KCNMA1: variants seen among roughly 807,000 people sequenced by gnomAD.
KCNMA1 encodes the protein potassium calcium-activated channel subfamily M alpha 1.
KCNMA1 carries 29 observed loss-of-function variants against 140.0 expected under a neutral mutation model. The ratio of observed to expected loss-of-function variants is 0.21; its 90% CI spans 0.15 to 0.28. The LOEUF (loss-of-function observed/expected upper bound fraction) is 0.28. Ranked by LOEUF, KCNMA1 falls within the 10% of genes least tolerant of loss-of-function variation. The pLI, the probability that KCNMA1 is intolerant of heterozygous loss-of-function variation, is 1.00. For synonymous variants in KCNMA1, 612 were observed against 611.9 expected (o/e 1.00, Z 0.00); for missense variants, 880 against 1,602.2 (o/e 0.55, Z 7.70).
chr10:77,413,675 C>T (rs1012758208), intron 1 of KCNMA1, among the ~76,000 whole-genome samples: 1 of 152,044 alleles, frequency 6.6e-6, no homozygotes, highest in Non-Finnish European at 1.5e-5. Flanking sequence ...TCACTTCTGC[C>T]CCTGGGAAGT....
At chr10:77,182,709 A>G (rs2098812869) in intron 5 of KCNMA1, among the ~76,000 whole-genome samples, 1 of 152,224 alleles carries the variant, frequency 6.6e-6, no homozygotes, top group Non-Finnish European at 1.5e-5. Context: ...AGACCCCATG[A>G]CAGCAGGAAT....
chr10:76,995,457 T>G (rs1445018519), intron 19 of KCNMA1: 1 of 422,750 alleles, frequency 2.4e-6, no homozygotes, highest in Non-Finnish European at 5.0e-6. Context: ...CCTGCTCTAA[T>G]TCAAACCTCT....
intron 19 of KCNMA1, among the ~76,000 whole-genome samples, chr10:76,979,288 A>G (rs893086126): frequency 6.6e-6 from 1 of 152,222 alleles, no homozygotes; most frequent in African/African-American, 2.4e-5. Flanking sequence ...TGCCTCAGGA[A>G]TCTGAGATTT....
chr10:77,181,857 A>G (rs1008295861), intron 5 of KCNMA1, among the ~76,000 whole-genome samples: 1 of 152,226 alleles, frequency 6.6e-6, no homozygotes, highest in Non-Finnish European at 1.5e-5. Flanking sequence ...GAGCAAGAGA[A>G]TATAATTCTA....
chr10:77,073,676 T>C (rs1595357541), intron 13 of KCNMA1, among the ~76,000 whole-genome samples: 1 of 152,278 alleles, frequency 6.6e-6, no homozygotes, highest in East Asian at 1.9e-4. Context: ...CTCCCAGGCA[T>C]CAGGAGCGGG....
intron 1 of KCNMA1, among the ~76,000 whole-genome samples, chr10:77,421,417 C>T (rs2096864416): frequency 6.6e-6 from 1 of 152,218 alleles, no homozygotes; most frequent in African/African-American, 2.4e-5. Context: ...TGTTCAGGGC[C>T]TCTTTGCTTC....
At chr10:76,877,677 A>G, downstream of KCNMA1, 1 of 1,487,724 alleles carries the variant, frequency 6.7e-7, no homozygotes, top group Non-Finnish European at 9.1e-7. Flanking sequence ...TAAGAAGAAA[A>G]GTCACATCAC....
At chr10:77,174,383 A>C (rs1411779202) in intron 5 of KCNMA1, among the ~76,000 whole-genome samples, 1 of 152,214 alleles carries the variant, frequency 6.6e-6, no homozygotes, top group Non-Finnish European at 1.5e-5. Context: ...CTGGGCATAC[A>C]AAAAGTAAAA....
At chr10:77,330,191 G>T (rs1421417752) in intron 2 of KCNMA1, among the ~76,000 whole-genome samples, 1 of 152,002 alleles carries the variant, frequency 6.6e-6, no homozygotes, top group Non-Finnish European at 1.5e-5. Context: ...ACCATAAAAA[G>T]AATTCAGAAA....
intron 1 of KCNMA1, among the ~76,000 whole-genome samples, chr10:77,597,707 C>T (rs922557094): frequency 2.6e-5 from 4 of 152,166 alleles, no homozygotes; most frequent in African/African-American, 9.7e-5. Flanking sequence ...TCTGCTCTGT[C>T]CCATTGACAG....
intron 3 of KCNMA1, among the ~76,000 whole-genome samples, chr10:77,198,005 A>G (rs549420870): frequency 6.6e-6 from 1 of 152,198 alleles, no homozygotes; most frequent in Non-Finnish European, 1.5e-5. Context: ...ACTGGCCGTT[A>G]CTCAATGAAA....
intron 3 of KCNMA1, among the ~76,000 whole-genome samples, chr10:77,247,814 A>G (rs919550259): frequency 6.6e-6 from 1 of 152,048 alleles, no homozygotes. Context: ...GGGTGTTTCT[A>G]GAGAGTCTAC....
At chr10:76,925,235 T>C (rs147852694) in intron 23 of KCNMA1, among the ~76,000 whole-genome samples, 2,748 of 152,346 alleles carry the variant, frequency 0.018, 84 homozygotes, top group African/African-American at 0.063. Flanking sequence ...CCACTGGACT[T>C]CCCAATTTCA....
intron 12 of KCNMA1, among the ~76,000 whole-genome samples, chr10:77,083,966 T>G (rs1317281626): frequency 6.6e-6 from 1 of 152,174 alleles, no homozygotes; most frequent in African/African-American, 2.4e-5. Context: ...CTGAAAAGCC[T>G]TTCAAGAAAG....
At chr10:77,509,604 C>T (rs559870918) in intron 1 of KCNMA1, among the ~76,000 whole-genome samples, 1 of 152,166 alleles carries the variant, frequency 6.6e-6, no homozygotes, top group Non-Finnish European at 1.5e-5. Flanking sequence ...ATTTTACATT[C>T]CCGCCAGCAA....
At chr10:77,129,967 T>A (rs1432445318) in intron 5 of KCNMA1, among the ~76,000 whole-genome samples, 1 of 152,190 alleles carries the variant, frequency 6.6e-6, no homozygotes, top group African/African-American at 2.4e-5. Context: ...CCTTACAGAC[T>A]CTGCACCCAT....
intron 2 of KCNMA1, among the ~76,000 whole-genome samples, chr10:77,364,649 C>G (rs1001879311): frequency 1.1e-4 from 17 of 152,030 alleles, no homozygotes; most frequent in African/African-American, 3.9e-4. Flanking sequence ...TAATTGAAAC[C>G]TCTGGCTCAT....
At chr10:76,905,404 A>G (rs2047417341) in intron 25 of KCNMA1, among the ~76,000 whole-genome samples, 1 of 152,200 alleles carries the variant, frequency 6.6e-6, no homozygotes, top group South Asian at 2.1e-4. Context: ...TTTCAGAAGA[A>G]GGAGGATCCT....
chr10:77,372,472 A>C (rs895368983), intron 2 of KCNMA1, among the ~76,000 whole-genome samples: 1 of 152,108 alleles, frequency 6.6e-6, no homozygotes, highest in Non-Finnish European at 1.5e-5. Flanking sequence ...TGGAAATCCC[A>C]GTTCAGTGTT....
Sources: allele counts gnomAD v4.1 joint callset (sites outside exome capture counted in the v4.1 genomes callset), GRCh38; gene constraint gnomAD v4.1.1; transcripts MANE v1.5; gene names NCBI Gene and HGNC (gene_info 2026-07-23, HGNC 2026-07-21).